The following KAZN variants were observed in gnomAD, a reference collection of about 807,000 sequenced individuals.
KAZN encodes the protein kazrin.
Under a neutral mutation model 87.4 loss-of-function variants are expected in KAZN, and 40 were observed. That is an observed-to-expected ratio of 0.46 (90% CI 0.36 to 0.60). The LOEUF (loss-of-function observed/expected upper bound fraction) is 0.60. Among genes scored for constraint, KAZN ranks in the 20% least tolerant of loss-of-function variants. The pLI is 0.00. For synonymous variants in KAZN, 466 were observed against 458.3 expected (o/e 1.02, Z -0.22); for missense variants, 898 against 1,073.9 (o/e 0.84, Z 2.29).
chr1:14,918,639 G>A (rs1413020631), intron 1 of KAZN, among the ~76,000 whole-genome samples: 25 of 137,410 alleles, frequency 1.8e-4, no homozygotes, highest in Non-Finnish European at 6.1e-5. Flanking sequence ...TTGCGCCACT[G>A]AAGTCCAGCC....
At chr1:13,959,899 T>C (rs1378677732) in intron 1 of KAZN, among the ~76,000 whole-genome samples, 2 of 152,168 alleles carry the variant, frequency 1.3e-5, no homozygotes, top group African/African-American at 4.8e-5. Context: ...TGGCCATTCA[T>C]TGTCGAAGGA....
chr1:13,949,026 A>G (rs1641249044), intron 1 of KAZN, among the ~76,000 whole-genome samples: 1 of 152,188 alleles, frequency 6.6e-6, no homozygotes, highest in African/African-American at 2.4e-5. Flanking sequence ...CTCTGTGTTC[A>G]ATAAATACGC....
intron 2 of KAZN, among the ~76,000 whole-genome samples, chr1:14,476,290 G>A (rs1668718507): frequency 6.6e-6 from 1 of 152,184 alleles, no homozygotes; most frequent in Non-Finnish European, 1.5e-5. Context: ...TTCTGTGCGT[G>A]ATTCTGCCCT....
intron 1 of KAZN, among the ~76,000 whole-genome samples, chr1:13,944,071 C>T (rs933837737): frequency 3.3e-5 from 5 of 152,202 alleles, no homozygotes; most frequent in African/African-American, 1.2e-4. Context: ...GACTGTCATG[C>T]AGATGCTCAT....
At chr1:14,913,415 T>C (rs2101411113) in intron 1 of KAZN, among the ~76,000 whole-genome samples, 1 of 152,350 alleles carries the variant, frequency 6.6e-6, no homozygotes, top group South Asian at 2.1e-4. Context: ...TTCCTACGTA[T>C]CTGTTCAACA....
chr1:14,537,075 C>T (rs908313695), intron 2 of KAZN, among the ~76,000 whole-genome samples: 4 of 152,188 alleles, frequency 2.6e-5, no homozygotes, highest in Non-Finnish European at 4.4e-5. Context: ...CCAGAAGGTA[C>T]TCAGTAAATA....
chr1:14,501,319 A>C (rs952794373), intron 2 of KAZN, among the ~76,000 whole-genome samples: 5 of 152,088 alleles, frequency 3.3e-5, no homozygotes, highest in African/African-American at 1.2e-4. Flanking sequence ...AAGTAGATCT[A>C]TTTGCAGAAG....
chr1:14,190,449 C>A (rs1646399579), intron 2 of KAZN, among the ~76,000 whole-genome samples: 1 of 152,116 alleles, frequency 6.6e-6, no homozygotes, highest in African/African-American at 2.4e-5. Flanking sequence ...CTAGTGAATA[C>A]CTGTGCTAGT....
intron 1 of KAZN, among the ~76,000 whole-genome samples, chr1:13,956,578 G>A (rs1361349151): frequency 1.3e-5 from 2 of 151,968 alleles, no homozygotes; most frequent in African/African-American, 4.8e-5. Context: ...ATCCCTCCAG[G>A]AATCTCGTGA....
intron 2 of KAZN, among the ~76,000 whole-genome samples, chr1:14,479,553 C>T (rs2148388012): frequency 6.6e-6 from 1 of 152,338 alleles, no homozygotes; most frequent in East Asian, 1.9e-4. Context: ...GTTCCCTCTG[C>T]CTGGAATTCC....
At chr1:14,102,152 C>T (rs1329314935) in intron 1 of KAZN, among the ~76,000 whole-genome samples, 2 of 152,096 alleles carry the variant, frequency 1.3e-5, no homozygotes, top group Non-Finnish European at 2.9e-5. Context: ...GAACTCAAAG[C>T]ACAGTTTCAA....
At chr1:14,517,529 A>T (rs1671360720) in intron 2 of KAZN, among the ~76,000 whole-genome samples, 3 of 152,346 alleles carry the variant, frequency 2.0e-5, no homozygotes, top group South Asian at 2.1e-4. Flanking sequence ...CAAACTGACA[A>T]TAAGAAGCCT....
At chr1:14,546,708 T>G (rs1040477665) in intron 2 of KAZN, among the ~76,000 whole-genome samples, 1 of 152,170 alleles carries the variant, frequency 6.6e-6, no homozygotes, top group Non-Finnish European at 1.5e-5. Flanking sequence ...AAATGCAATC[T>G]GTGTCAGGGT....
chr1:14,866,056 T>C (rs1239179249), intron 1 of KAZN, among the ~76,000 whole-genome samples: 1 of 152,198 alleles, frequency 6.6e-6, no homozygotes. Flanking sequence ...ATCTGCTTTG[T>C]GGCACTTTGT....
At chr1:14,880,893 G>C (rs967919759) in intron 1 of KAZN, among the ~76,000 whole-genome samples, 1 of 152,214 alleles carries the variant, frequency 6.6e-6, no homozygotes, top group African/African-American at 2.4e-5. Context: ...TGTCCCAGTG[G>C]AATATGATTT....
intron 1 of KAZN, among the ~76,000 whole-genome samples, chr1:13,951,650 A>G (rs887937345): frequency 7.5e-5 from 2 of 26,632 alleles, no homozygotes; most frequent in Non-Finnish European, 1.9e-4. Flanking sequence ...TAATAATAAT[A>G]ATAATAATAA....
At chr1:14,997,216 T>TC (rs1418513068) in intron 2 of KAZN, among the ~76,000 whole-genome samples, 2 of 88,548 alleles carry the variant, frequency 2.3e-5, no homozygotes, top group African/African-American at 1.5e-4. Flanking sequence ...TTTATTTATT[T>TC]ATTTATTTAT....
rs190154545 is a variant in KAZN at position 15,017,791 on chromosome 1, C to T, written c.419-16958C>T. On this transcript the variant is annotated intron_variant, in intron 2 of 14. Transcript: ENST00000376030. ...TGCACTCCAGCCTGGGCAACAAGAG[C>T]GAAACTCCATCTCAAAAAAAAAAAG... Among the ~76,000 whole-genome samples, 221 of 150,258 alleles carry T rather than the reference C, an allele frequency of 1.5e-3. 1 individual carries two copies. The highest frequency in any genetic ancestry group is 2.4e-3 in the Non-Finnish European group (161 of 67,402).
chr1:14,309,881 T>TAA (rs202171440), intron 2 of KAZN, among the ~76,000 whole-genome samples: 3 of 148,066 alleles, frequency 2.0e-5, no homozygotes, highest in Admixed American at 6.7e-5. Context: ...TGATTTATAT[T>TAA]AAAAAAAAAA....
Sources: gnomAD v4.1 joint callset for allele counts (sites outside exome capture counted in the v4.1 genomes callset) on GRCh38, gnomAD v4.1.1 for gene constraint, MANE v1.5 for transcripts, NCBI Gene and HGNC (gene_info 2026-07-23, HGNC 2026-07-21) for gene names.